Variants in LTBR observed in about 807,000 individuals in gnomAD.
LTBR encodes the protein lymphotoxin beta receptor.
Under a neutral mutation model 45.4 loss-of-function variants are expected in LTBR, and 15 were observed. The observed-to-expected ratio is 0.33, with a 90% CI of 0.22 to 0.51. LTBR has a LOEUF of 0.51. Among genes scored for constraint, LTBR ranks in the 20% least tolerant of loss-of-function variants. LTBR has a pLI of 0.97. For missense variants in LTBR, 450 were observed against 565.5 expected (o/e 0.80, Z 2.07); for synonymous variants, 228 against 231.0 (o/e 0.99, Z 0.12).
At chr12:6,379,667 A>C (rs1477954020), upstream of LTBR, among the ~76,000 whole-genome samples, 1 of 152,164 alleles carries the variant, frequency 6.6e-6, no homozygotes, top group Non-Finnish European at 1.5e-5. Flanking sequence ...ATGGTGGCTC[A>C]CGCCTGTAAT....
chr12:6,388,054 G>A lies in LTBR; in HGVS notation c.668-344G>A. ...CTACTGTCTCCCAATCCCACTTCCA[G>A]ACCTTGAAAATCAACTGCCTAAGCT... On this transcript the variant is annotated intron_variant, in intron 6 of 9. Transcript: ENST00000228918. The surrounding 1 kb of genome is among the most constrained non-coding windows in gnomAD (Gnocchi z 4.3). 1 of 364,244 alleles carries A rather than the reference G, an allele frequency of 2.7e-6. No individual in the cohort carries two copies. Among genetic ancestry groups the A allele is most frequent in the Admixed American group, 3.8e-5 (1 of 26,316 alleles). The allele number at this position is 364,244 out of a possible 1,614,324, so 22.6% of individuals were successfully genotyped here.
At chr12:6,389,848 A>T in intron 8 of LTBR, 1 of 411,266 alleles carries the variant, frequency 2.4e-6, no homozygotes, top group Non-Finnish European at 4.4e-6. Context: ...CCAGCTACTC[A>T]GGAGGCTGAG....
upstream of LTBR, among the ~76,000 whole-genome samples, chr12:6,380,703 A>AAAGAAG (rs559508812): frequency 4.0e-5 from 6 of 151,666 alleles, no homozygotes; most frequent in African/African-American, 9.7e-5. Flanking sequence ...AAAAAAAAAA[A>AAAGAAG]AAGAAGAAGA....
intron 1 of LTBR, chr12:6,377,869 G>T: frequency 2.6e-6 from 1 of 385,858 alleles, no homozygotes; most frequent in South Asian, 1.9e-5. Context: ...CTGAGCCAAA[G>T]GGTGGTGACC....
At chr12:6,377,468 G>C in intron 1 of LTBR, 1 of 655,184 alleles carries the variant, frequency 1.5e-6, no homozygotes, top group Non-Finnish European at 2.6e-6. Flanking sequence ...AGACTCATGG[G>C]GGATCGGGGC....
chr12:6,381,606 G>A (rs1359144825), upstream of LTBR, among the ~76,000 whole-genome samples: 1 of 152,242 alleles, frequency 6.6e-6, no homozygotes, highest in Non-Finnish European at 1.5e-5. Flanking sequence ...GTTAAAAGGG[G>A]TCTGGACATA....
upstream of LTBR, chr12:6,384,076 C>G (rs1446211167): frequency 8.1e-7 from 1 of 1,236,638 alleles, no homozygotes; most frequent in African/African-American, 1.6e-5. Flanking sequence ...GGCAGACAAG[C>G]CTGTTCCTCT....
At chr12:6,381,950 C>T (rs7955466), upstream of LTBR, among the ~76,000 whole-genome samples, 36,591 of 151,782 alleles carry the variant, frequency 0.24, 5,625 homozygotes, top group Non-Finnish European at 0.34. Context: ...CCAGCCTGGG[C>T]GACAAAGCGA....
chr12:6,388,268 G>T lies in LTBR; in HGVS notation c.668-130G>T. The T allele has an allele frequency of 1.5e-6, 1 of 667,180 alleles. No individual in the cohort carries two copies. The highest frequency in any genetic ancestry group is 1.7e-5 in the South Asian group (1 of 59,344). The allele number at this position is 667,180 out of a possible 1,614,324, so 41.3% of individuals were successfully genotyped here. The stretch of plus-strand genomic sequence containing the variant: ...ATTCTGCCTTTAGGAGCTGCATTGT[G>T]TCTAGAAGGAAAAAAGCTGCTCCCT... On this transcript the variant is annotated intron_variant, in intron 6 of 9. Coordinates refer to ENST00000228918, the MANE Select transcript of LTBR (RefSeq NM_002342.3). The surrounding 1 kb of genome is among the most constrained non-coding windows in gnomAD (Gnocchi z 4.3).
chr12:6,384,076 C>T, upstream of LTBR: 1 of 1,236,758 alleles, frequency 8.1e-7, no homozygotes, highest in Non-Finnish European at 1.0e-6. Flanking sequence ...GGCAGACAAG[C>T]CTGTTCCTCT....
At chr12:6,384,485 G>A (rs1205398094) in intron 1 of LTBR, 31 bp downstream of exon 1, 1 of 1,580,514 alleles carries the variant, frequency 6.3e-7, no homozygotes, top group Non-Finnish European at 8.6e-7. Flanking sequence ...GAGTGGGCGA[G>A]GGTGGGCAAG....
chr12:6,379,170 C>T (rs1366869872), upstream of LTBR, among the ~76,000 whole-genome samples: 1 of 152,086 alleles, frequency 6.6e-6, no homozygotes, highest in East Asian at 1.9e-4. Flanking sequence ...CCCTGACTTC[C>T]CGCAACACAA....
Position 6,385,166 on chromosome 12 carries a change from GC to G in LTBR, c.319+20del, listed in dbSNP as rs774210671. ...GACCCAGGTGAGTGGGGATGTGCCT[GC>G]GGGGGGGCTGGATCCCCTGGAGCTT... On this transcript the variant is annotated intron_variant, in intron 3 of 9. Transcript: ENST00000228918. The G allele has an allele frequency of 4.5e-5, 73 of 1,614,216 alleles. No homozygotes were observed. In the Admixed American group the frequency reaches 1.2e-3, roughly 27 times the overall value.
At chr12:6,379,934 AAAAAAAAAAAAAAC>A (rs1365565103), upstream of LTBR, among the ~76,000 whole-genome samples, 39 of 74,962 alleles carry the variant, frequency 5.2e-4, no homozygotes, top group Non-Finnish European at 1.1e-3. Flanking sequence ...ACTCTGTCTC[AAAAAAAAAAAAAAC>A]AAAAAAAAAA....
At chr12:6,382,399 T>C (rs1202556881), upstream of LTBR, among the ~76,000 whole-genome samples, 7 of 152,144 alleles carry the variant, frequency 4.6e-5, no homozygotes, top group Non-Finnish European at 1.0e-4. Flanking sequence ...TGGTATATTA[T>C]CTTGCATGTG....
At chr12:6,376,869 G>A (rs1948922356) in intron 1 of LTBR, among the ~76,000 whole-genome samples, 1 of 152,232 alleles carries the variant, frequency 6.6e-6, no homozygotes, top group Admixed American at 6.5e-5. Flanking sequence ...CCCAGCCTGA[G>A]CATTGATACA....
Position 6,386,013 on chromosome 12 carries a change from G to C in LTBR, c.473-53G>C. 1.6e-6 allele frequency: 2 copies of C among 1,281,952 alleles called. No individual in the cohort carries two copies. The highest frequency in any genetic ancestry group is 2.4e-5 in the South Asian group (2 of 83,696). 79.4% of individuals were successfully genotyped at this position (1,281,952 alleles called of 1,614,324 possible). Reference sequence around the variant, plus strand: ...TAAAGGAAACTCACAGGCCGGCAAAGGGCCCCTCCCTTTTGCCCATTCACC... The same window carrying C: ...TAAAGGAAACTCACAGGCCGGCAAACGGCCCCTCCCTTTTGCCCATTCACC... On this transcript the variant is annotated intron_variant, in intron 4 of 9. Transcript: ENST00000228918. This position sits in a 1 kb window ranked among gnomAD's most constrained non-coding sequence, Gnocchi z 4.1.
chr12:6,376,898 G>A (rs1948922920), intron 1 of LTBR, among the ~76,000 whole-genome samples: 2 of 152,222 alleles, frequency 1.3e-5, no homozygotes, highest in South Asian at 4.1e-4. Context: ...GAGGAGATAG[G>A]CCTGCAATAC....
chr12:6,390,226 A>G lies in LTBR; in HGVS notation c.916A>G (p.Thr306Ala). 3 of 1,614,016 alleles carry G rather than the reference A, an allele frequency of 1.9e-6. No individual in the cohort carries two copies. Among genetic ancestry groups the G allele is most frequent in the Non-Finnish European group, 2.5e-6 (3 of 1,179,976 alleles). The change falls in exon 9 of 10, where the codon ACT becomes GCT. Residue 306 changes from threonine (T) to alanine (A), a missense_variant. Around this residue, in one of 3 missense-constraint regions of LTBR, gnomAD observed 367 missense variants for 435.4 expected, o/e 0.84. Coordinates refer to ENST00000228918, the MANE Select transcript of LTBR (RefSeq NM_002342.3). ...PISGDVSPVS[T>A]GLPAAPVLEA... ...TTCTGGAGATGTTTCCCCAGTATCC[A>G]CTGGGCTCCCCGCAGCCCCAGTTTT...
Sources: allele counts gnomAD v4.1 joint callset (sites outside exome capture counted in the v4.1 genomes callset), GRCh38; gene constraint gnomAD v4.1.1; regional missense constraint gnomAD v4.1.1; non-coding constraint Gnocchi (gnomAD v3.1); transcripts MANE v1.5; gene names NCBI Gene and HGNC (gene_info 2026-07-23, HGNC 2026-07-21).